Variants in MYO7A observed in about 807,000 individuals in gnomAD.
MYO7A encodes myosin VIIA, also known as unconventional myosin-VIIa.
MYO7A carries 210 observed loss-of-function variants against 263.8 expected under a neutral mutation model. The observed-to-expected ratio is 0.80, with a 90% CI of 0.71 to 0.89. The LOEUF (loss-of-function observed/expected upper bound fraction) is 0.89. MYO7A is among the 40% of genes least tolerant of loss of function. MYO7A has a pLI of 0.00. For synonymous variants in MYO7A, 1,239 were observed against 1,197.3 expected (o/e 1.03, Z -0.72); for missense variants, 2,820 against 2,968.3 (o/e 0.95, Z 1.16).
At chr11:77,177,668 C>A in intron 19 of MYO7A, 25 bp downstream of exon 19, 1 of 1,567,942 alleles carries the variant, frequency 6.4e-7, no homozygotes, top group South Asian at 1.2e-5. Flanking sequence ...CAGCTCCTCC[C>A]CTCCTCAGCC....
chr11:77,153,093 T>A (rs781964561), intron 4 of MYO7A, among the ~76,000 whole-genome samples: 1 of 152,094 alleles, frequency 6.6e-6, no homozygotes. Context: ...TGTGGTTAGA[T>A]TTTTTAAAAG....
intron 40 of MYO7A, 63 bp downstream of exon 40, chr11:77,205,680 TGGGATGAGCCCCTTG>T (rs1337105550): frequency 9.4e-6 from 15 of 1,598,854 alleles, no homozygotes; most frequent in Non-Finnish European, 1.2e-5. Context: ...GCGGGGCTTG[TGGGATGAGCCCCTTG>T]GGGATGAGGA....
At chr11:77,168,853 A>T (rs1555074253) in intron 15 of MYO7A, among the ~76,000 whole-genome samples, 1 of 152,198 alleles carries the variant, frequency 6.6e-6, no homozygotes, top group Non-Finnish European at 1.5e-5. Context: ...GTGCTCACTG[A>T]GGTCACATAC....
At position 77,181,631 on chromosome 11, in the gene MYO7A, C is replaced by A. The variant is rs371453593; in HGVS notation, c.2904+42C>A. On this transcript the variant is annotated intron_variant, in intron 23 of 48. Coordinates refer to ENST00000409709, the MANE Select transcript of MYO7A (RefSeq NM_000260.4). ...AGGGGCTCCAGAGGCCCACACACAC[C>A]GCTTGTGTTGATCCTCCCTCCTTCT... 2.7e-5 allele frequency: 43 copies of A among 1,566,400 alleles called. No individual in the cohort carries two copies. The East Asian group carries it at 9.5e-4, about 34-fold the overall frequency.
At position 77,128,338 on chromosome 11, in the gene MYO7A, G is replaced by A. The variant is rs1260380930; in HGVS notation, c.-198G>A. On this transcript the variant is annotated 5_prime_UTR_variant, in exon 1 of 49. Coordinates refer to ENST00000409709, the MANE Select transcript of MYO7A (RefSeq NM_000260.4). The stretch of plus-strand genomic sequence containing the variant: ...GGCGAGGAAGGGAAAGACCCAGAGG[G>A]ACGCCTAGAACGAGACTTGGAGCCA... 2.0e-5 allele frequency: 3 copies of A among 152,606 alleles called. No homozygotes were observed. Among genetic ancestry groups the A allele is most frequent in the African/African-American group, 7.2e-5 (3 of 41,484 alleles). 9.5% of individuals were successfully genotyped at this position (152,606 alleles called of 1,614,324 possible).
At chr11:77,175,306 G>A (rs1954535519) in intron 17 of MYO7A, 66 bp from the exon 18 acceptor site, 1 of 1,447,762 alleles carries the variant, frequency 6.9e-7, no homozygotes, top group Non-Finnish European at 9.6e-7. Context: ...CAGCCTCGGG[G>A]ACACTCCGGA....
chr11:77,205,671 CG>C, intron 40 of MYO7A, 54 bp downstream of exon 40: 1 of 1,604,346 alleles, frequency 6.2e-7, no homozygotes. Flanking sequence ...CCTGGCCACG[CG>C]GGGCTTGTGG....
Position 77,182,676 on chromosome 11 carries a change from C to A in MYO7A, c.3285+76C>A, listed in dbSNP as rs546616732. ...GGCCGCTGGCATCACCAGCCTTGGGCTCCTCTGCAGAAAAAGGATCCTATA... is the reference window on the plus strand; with the variant it reads ...GGCCGCTGGCATCACCAGCCTTGGGATCCTCTGCAGAAAAAGGATCCTATA... On this transcript the variant is annotated intron_variant, in intron 25 of 48. Coordinates refer to ENST00000409709, the MANE Select transcript of MYO7A (RefSeq NM_000260.4). 623 of 1,485,826 alleles carry A rather than the reference C, an allele frequency of 4.2e-4. 3 individuals are homozygous for A. In the African/African-American group the frequency reaches 8.2e-3, roughly 20 times the overall value. The allele number at this position is 1,485,826 out of a possible 1,614,324, so 92.0% of individuals were successfully genotyped here.
rs1278738110 is a variant in MYO7A, at chr11:77,191,054, G to A, written c.3924+184G>A. The A allele has an allele frequency of 1.3e-5, 8 of 624,872 alleles. No individual in the cohort carries two copies. The East Asian group carries it at 2.0e-4, about 16-fold the overall frequency. 38.7% of individuals were successfully genotyped at this position (624,872 alleles called of 1,614,324 possible). On this transcript the variant is annotated intron_variant, in intron 30 of 48. Coordinates refer to ENST00000409709, the MANE Select transcript of MYO7A (RefSeq NM_000260.4). ...GCCGAGAACTCGGCCAGGTGCGGTG[G>A]TTCACACCTGTAATCCCAGCACTTT... is the stretch of plus-strand genomic sequence containing the variant.
intron 22 of MYO7A, among the ~76,000 whole-genome samples, chr11:77,180,749 A>G (rs782622235): frequency 6.6e-6 from 1 of 152,224 alleles, no homozygotes; most frequent in Non-Finnish European, 1.5e-5. Context: ...ACACCCTGGT[A>G]AAAGCACAAG....
In MYO7A at chr11:77,192,990, A is replaced by C. The variant is rs1225091713; in HGVS notation, c.4152+712A>C. 3.2e-4 allele frequency among the ~76,000 whole-genome samples: 20 copies of C among 62,108 alleles called. 1 individual carries two copies. Among genetic ancestry groups the C allele is most frequent in the Non-Finnish European group, 3.3e-4 (12 of 35,874 alleles). 40.7% of individuals were successfully genotyped at this position (62,108 alleles called of 152,430 possible). On this transcript the variant is annotated intron_variant, in intron 31 of 48. Coordinates refer to ENST00000409709, the MANE Select transcript of MYO7A (RefSeq NM_000260.4). ...ATGGTGGAGGTAGTTGTGATGGTGGAGGTAGTGATGCTGTTGGTGATGGTG... is the reference window on the plus strand; with the variant it reads ...ATGGTGGAGGTAGTTGTGATGGTGGCGGTAGTGATGCTGTTGGTGATGGTG...
At chr11:77,169,082 T>C (rs922506573) in intron 15 of MYO7A, among the ~76,000 whole-genome samples, 1 of 152,262 alleles carries the variant, frequency 6.6e-6, no homozygotes, top group Non-Finnish European at 1.5e-5. Flanking sequence ...AAAAGGAAGA[T>C]GAAAATCAGC....
At position 77,179,749 on chromosome 11, in the gene MYO7A, C is replaced by T. The variant is rs970183279; in HGVS notation, c.2382C>T (p.Phe794=). 4.5e-6 allele frequency: 7 copies of T among 1,543,704 alleles called. No individual in the cohort carries two copies. In the East Asian group the frequency reaches 1.2e-4, roughly 27 times the overall value. ...RKNYGLMRLG[F]LRLQALHRSR... Reference sequence around the variant, plus strand: ...TGTCCTTGCAGATGCGTCTGGGCTTCCTGCGGCTGCAGGCCCTGCACCGCT... The same window carrying T: ...TGTCCTTGCAGATGCGTCTGGGCTTTCTGCGGCTGCAGGCCCTGCACCGCT... Residue 794 remains phenylalanine, a synonymous_variant, in exon 21 of 49, where the codon TTC becomes TTT. Transcript: ENST00000409709.
intron 22 of MYO7A, 52 bp from the exon 23 acceptor site, chr11:77,181,328 C>T: frequency 6.7e-7 from 1 of 1,486,666 alleles, no homozygotes; most frequent in Non-Finnish European, 9.0e-7. Context: ...TTCCCTGAGG[C>T]TGTGGCACCG....
chr11:77,130,740 G>A (rs1409090951), intron 2 of MYO7A, 88 bp downstream of exon 2: 35 of 1,474,238 alleles, frequency 2.4e-5, no homozygotes, highest in Non-Finnish European at 2.8e-5. Flanking sequence ...CCCTCCCCAG[G>A]GTGTTCTCTT....
At chr11:77,191,319 C>CA (rs1218984293) in intron 30 of MYO7A, 2 of 157,726 alleles carry the variant, frequency 1.3e-5, no homozygotes, top group Admixed American at 6.2e-5. Context: ...GACTCCATCT[C>CA]AAAAAAACAA....
chr11:77,193,248 T>C (rs1294742047), intron 31 of MYO7A, among the ~76,000 whole-genome samples: 1 of 128,006 alleles, frequency 7.8e-6, no homozygotes, highest in Non-Finnish European at 1.8e-5. Context: ...GGGATGATGT[T>C]AGTGATGGTG....
intron 35 of MYO7A, among the ~76,000 whole-genome samples, chr11:77,201,116 C>G (rs1471466041): frequency 6.6e-6 from 1 of 152,222 alleles, no homozygotes; most frequent in Non-Finnish European, 1.5e-5. Flanking sequence ...CGGGAGAAAG[C>G]TGGCCTGTCC....
At chr11:77,187,735 G>A (rs1296716001) in intron 27 of MYO7A, among the ~76,000 whole-genome samples, 5 of 152,212 alleles carry the variant, frequency 3.3e-5, no homozygotes, top group African/African-American at 9.6e-5. Flanking sequence ...AACAGTCTCT[G>A]CATAGGACAG....
Sources: gnomAD v4.1 joint callset for allele counts (sites outside exome capture counted in the v4.1 genomes callset) on GRCh38, gnomAD v4.1.1 for gene constraint, MANE v1.5 for transcripts, NCBI Gene and HGNC (gene_info 2026-07-23, HGNC 2026-07-21) for gene names.